NAV2: variants seen among roughly 807,000 people sequenced by gnomAD.
NAV2 encodes the protein helicase, APC down-regulated 1.
NAV2 carries 54 observed loss-of-function variants against 223.2 expected under a neutral mutation model. That is an observed-to-expected ratio of 0.24 (90% CI 0.19 to 0.30). The LOEUF (loss-of-function observed/expected upper bound fraction) is 0.30, where lower values mean the gene tolerates loss of function less well. Among genes scored for constraint, NAV2 ranks in the 10% least tolerant of loss-of-function variants. NAV2 has a pLI of 1.00. For missense variants in NAV2, 2,806 were observed against 3,147.5 expected, an observed-to-expected ratio of 0.89 and a Z score of 2.60; for synonymous variants, 1,279 against 1,239.3, an observed-to-expected ratio of 1.03 and a Z score of -0.67.
At chr11:19,836,130 A>T (rs1206574697) in intron 2 of NAV2, among the ~76,000 whole-genome samples, 1 of 152,188 alleles carries the variant, frequency 6.6e-6, no homozygotes, top group Non-Finnish European at 1.5e-5. Context: ...TGTTTCCAAT[A>T]GGTGGCCCGA....
At chr11:19,675,573 A>G (rs2048692400) in intron 1 of NAV2, among the ~76,000 whole-genome samples, 1 of 152,228 alleles carries the variant, frequency 6.6e-6, no homozygotes, top group Non-Finnish European at 1.5e-5. Flanking sequence ...GACATAGCAA[A>G]TAGGTGTTCA....
intron 7 of NAV2, among the ~76,000 whole-genome samples, chr11:19,935,851 G>GTTTTTTTTTTTTGTTTTTTTTT (rs1555156775): frequency 9.1e-4 from 48 of 52,704 alleles, no homozygotes; most frequent in East Asian, 5.4e-3. Context: ...TTTTGTTTCT[G>GTTTTTTTTTTTTGTTTTTTTTT]TTTTTTTTTT....
chr11:19,417,675 G>A (rs1850432863), intron 1 of NAV2, among the ~76,000 whole-genome samples: 1 of 152,176 alleles, frequency 6.6e-6, no homozygotes, highest in Admixed American at 6.5e-5. Flanking sequence ...ATTCACAATA[G>A]CAAAGACTTG....
chr11:19,520,335 A>G (rs577630783), intron 1 of NAV2, among the ~76,000 whole-genome samples: 1 of 152,370 alleles, frequency 6.6e-6, no homozygotes, highest in Non-Finnish European at 1.5e-5. Flanking sequence ...GCTGAAAACT[A>G]GAAAAGTATT....
At chr11:19,579,659 A>G (rs1330268557) in intron 1 of NAV2, among the ~76,000 whole-genome samples, 1 of 152,246 alleles carries the variant, frequency 6.6e-6, no homozygotes, top group Non-Finnish European at 1.5e-5. Flanking sequence ...AGTAAATGCA[A>G]TGATATGTGT....
chr11:19,363,944 G>A (rs909491411), intron 1 of NAV2, among the ~76,000 whole-genome samples: 4 of 152,142 alleles, frequency 2.6e-5, no homozygotes, highest in South Asian at 2.1e-4. Flanking sequence ...GCCTCCACCC[G>A]CCCAGCACTT....
At chr11:19,476,370 C>CTTTT (rs541091653) in intron 1 of NAV2, among the ~76,000 whole-genome samples, 2 of 150,162 alleles carry the variant, frequency 1.3e-5, no homozygotes, top group African/African-American at 4.9e-5. Flanking sequence ...CATCAAGAGA[C>CTTTT]TTTTTTTTTT....
intron 19 of NAV2, chr11:20,056,584 T>G: frequency 6.2e-7 from 1 of 1,614,040 alleles, no homozygotes. Context: ...CACAGCTCAC[T>G]TCATTTCTCT....
chr11:19,404,637 T>C (rs1233070414), intron 1 of NAV2, among the ~76,000 whole-genome samples: 1 of 152,210 alleles, frequency 6.6e-6, no homozygotes, highest in Admixed American at 6.5e-5. Flanking sequence ...TTTAAAAAAT[T>C]AATGGCATCT....
chr11:19,761,079 A>G lies in NAV2; in HGVS notation c.267+47117A>G, dbSNP rs188249722. Among the ~76,000 whole-genome samples the G allele has an allele frequency of 4.5e-3, 681 of 152,298 alleles. 4 individuals are homozygous for G. Among genetic ancestry groups the G allele is most frequent in the African/African-American group, 0.016 (649 of 41,564 alleles). ...AGATGGAGGCCAGAATGAGTCTGAA[A>G]CAGCTGGTGGGGAATCCAACCACAG... On this transcript the variant is annotated intron_variant, in intron 1 of 37. Coordinates refer to ENST00000349880, the MANE Select transcript of NAV2 (RefSeq NM_145117.5).
intron 1 of NAV2, chr11:19,591,016 T>C (rs961311770): frequency 6.6e-6 from 1 of 152,242 alleles, no homozygotes; most frequent in Non-Finnish European, 1.5e-5. Context: ...ATTCTTCAAA[T>C]AATTCACTTT....
At chr11:20,114,362 G>A (rs1252999253) in intron 36 of NAV2, 15 of 578,266 alleles carry the variant, frequency 2.6e-5, no homozygotes, top group South Asian at 2.5e-4. Context: ...ACCTAGATCA[G>A]CCTGACTCCA....
At chr11:19,798,269 C>T (rs1346861657) in intron 1 of NAV2, among the ~76,000 whole-genome samples, 1 of 152,204 alleles carries the variant, frequency 6.6e-6, no homozygotes, top group Non-Finnish European at 1.5e-5. Context: ...CTTCTCACCT[C>T]ACCAAGAGAA....
chr11:19,884,430 T>C, intron 5 of NAV2: 1 of 1,408,004 alleles, frequency 7.1e-7, no homozygotes, highest in Admixed American at 1.8e-5. Flanking sequence ...GTTCCCTCTG[T>C]TCTGGCTGAG....
intron 1 of NAV2, among the ~76,000 whole-genome samples, chr11:19,778,146 T>G (rs1265648363): frequency 6.6e-6 from 1 of 152,220 alleles, no homozygotes; most frequent in African/African-American, 2.4e-5. Flanking sequence ...GGATTTTCCT[T>G]GCTGCCCAAA....
intron 1 of NAV2, among the ~76,000 whole-genome samples, chr11:19,624,987 G>A (rs2047122486): frequency 6.6e-6 from 1 of 152,092 alleles, no homozygotes; most frequent in African/African-American, 2.4e-5. Flanking sequence ...GTGATGTTTT[G>A]ATACATATAA....
chr11:19,931,609 A>AAAAAAAAAAAAAAAG lies in NAV2; in HGVS notation c.932-1567_932-1566insAAAAAAAAAAAAAAG, dbSNP rs10692495. On this transcript the variant is annotated intron_variant, in intron 6 of 37. Coordinates refer to ENST00000349880, the MANE Select transcript of NAV2 (RefSeq NM_145117.5). ...ACATAGGTATTTAAAAAAAAAAAAA[A>AAAAAAAAAAAAAAAG]GCAGAAGAAGCAGCCGTTAATCCCG... Among the ~76,000 whole-genome samples, 5 of 137,328 alleles carry AAAAAAAAAAAAAAAG rather than the reference A, an allele frequency of 3.6e-5. 1 individual carries two copies. The highest frequency in any genetic ancestry group is 8.4e-3 in the Middle Eastern group (2 of 238). 90.1% of individuals were successfully genotyped at this position (137,328 alleles called of 152,430 possible). A position where few individuals can be genotyped will look rare whatever the true frequency, so the allele number is the denominator to read the frequency against.
chr11:19,884,245 T>C (rs2063394753), intron 5 of NAV2: 1 of 1,378,980 alleles, frequency 7.3e-7, no homozygotes. Context: ...CTAATGTATC[T>C]TCTCTCTCCT....
chr11:19,517,067 C>T (rs778527817), intron 1 of NAV2, among the ~76,000 whole-genome samples: 5 of 151,112 alleles, frequency 3.3e-5, no homozygotes, highest in Admixed American at 1.3e-4. Flanking sequence ...AATAATAATA[C>T]GATGAAATGG....
Sources: allele counts gnomAD v4.1 joint callset (sites outside exome capture counted in the v4.1 genomes callset), GRCh38; gene constraint gnomAD v4.1.1; transcripts MANE v1.5; gene names NCBI Gene and HGNC (gene_info 2026-07-23, HGNC 2026-07-21).